CENPW: variants seen among roughly 807,000 people sequenced by gnomAD.
The protein encoded by CENPW is cancer-up-regulated gene 2 protein.
In CENPW, 3 loss-of-function variants were observed where a neutral mutation model predicts 11.1. That is an observed-to-expected ratio of 0.27 (90% CI 0.12 to 0.70). The LOEUF (loss-of-function observed/expected upper bound fraction) is 0.70. Among genes scored for constraint, CENPW ranks in the 30% least tolerant of loss-of-function variants. The pLI is 0.77. For synonymous variants in CENPW, 38 were observed against 42.0 expected, an observed-to-expected ratio of 0.91 and a Z score of 0.37; for missense variants, 100 against 105.6, an observed-to-expected ratio of 0.95 and a Z score of 0.23.
chr6:126,438,671 A>C, the CENPW span, among the ~76,000 whole-genome samples: 2 of 151,848 alleles, frequency 1.3e-5, no homozygotes, highest in African/African-American at 4.8e-5. Context: ...GGGAGTACAA[A>C]CACACTTTCT....
chr6:126,394,148 G>C, the CENPW span, among the ~76,000 whole-genome samples: 2 of 151,852 alleles, frequency 1.3e-5, no homozygotes, highest in African/African-American at 4.8e-5. Flanking sequence ...TGATAAGTAA[G>C]GACTTACTGT....
the CENPW span, among the ~76,000 whole-genome samples, chr6:126,453,706 A>G: frequency 2.6e-5 from 4 of 151,210 alleles, no homozygotes; most frequent in African/African-American, 9.7e-5. Flanking sequence ...GCACATATTA[A>G]TATTAAGCTT....
At chr6:126,340,504 AG>A (rs1273640838) in intron 1 of CENPW, 105 bp downstream of exon 1, 2 of 1,549,326 alleles carry the variant, frequency 1.3e-6, no homozygotes, top group Non-Finnish European at 1.8e-6. Context: ...TAGCTCTTTC[AG>A]GCCCCTGTTT....
the CENPW span, among the ~76,000 whole-genome samples, chr6:126,481,171 G>A: frequency 1.6e-3 from 250 of 151,954 alleles, no homozygotes; most frequent in African/African-American, 5.9e-3. Context: ...ATATTTGGTA[G>A]AATATATTTT....
chr6:126,340,458 C>T, intron 1 of CENPW, 59 bp downstream of exon 1: 1 of 1,612,012 alleles, frequency 6.2e-7, no homozygotes, highest in Non-Finnish European at 8.5e-7. Flanking sequence ...AGGGCAATAA[C>T]CTTAAGCCTT....
At chr6:126,418,400 G>A in the CENPW span, among the ~76,000 whole-genome samples, 1 of 152,084 alleles carries the variant, frequency 6.6e-6, no homozygotes, top group African/African-American at 2.4e-5. Context: ...CATACCACTG[G>A]GAATATTTTC....
the CENPW span, among the ~76,000 whole-genome samples, chr6:126,427,415 C>T: frequency 3.9e-5 from 6 of 152,192 alleles, no homozygotes; most frequent in Non-Finnish European, 8.8e-5. Flanking sequence ...GATTTGAGCA[C>T]CGTGTGAATT....
the CENPW span, among the ~76,000 whole-genome samples, chr6:126,476,655 G>A: frequency 2.0e-5 from 3 of 151,904 alleles, no homozygotes; most frequent in African/African-American, 7.2e-5. Context: ...CTTCCCATCT[G>A]TTTGCTAACT....
downstream of CENPW, among the ~76,000 whole-genome samples, chr6:126,350,842 T>C (rs1780482878): frequency 6.6e-6 from 1 of 152,054 alleles, no homozygotes; most frequent in Non-Finnish European, 1.5e-5. Context: ...CATAAAATTA[T>C]ATTCTGAACA....
the CENPW span, among the ~76,000 whole-genome samples, chr6:126,440,335 T>A: frequency 6.6e-6 from 1 of 151,592 alleles, no homozygotes; most frequent in Non-Finnish European, 1.5e-5. Context: ...AAAGACAGTA[T>A]ACCTTCCATC....
the CENPW span, among the ~76,000 whole-genome samples, chr6:126,357,632 G>A: frequency 6.7e-6 from 1 of 150,112 alleles, no homozygotes; most frequent in Non-Finnish European, 1.5e-5. Flanking sequence ...CTTTTGAGAT[G>A]GAGTCTTGCT....
the CENPW span, among the ~76,000 whole-genome samples, chr6:126,464,358 G>A: frequency 6.6e-6 from 1 of 152,098 alleles, no homozygotes; most frequent in Non-Finnish European, 1.5e-5. Context: ...TTAATATTGA[G>A]TGTAAACTTG....
chr6:126,431,959 G>A, the CENPW span, among the ~76,000 whole-genome samples: 1 of 151,334 alleles, frequency 6.6e-6, no homozygotes, highest in Non-Finnish European at 1.5e-5. Context: ...CAGCTACTTG[G>A]GAGGCTGAGG....
the CENPW span, among the ~76,000 whole-genome samples, chr6:126,440,241 C>T: frequency 5.9e-5 from 9 of 151,528 alleles, no homozygotes; most frequent in East Asian, 3.9e-4. Context: ...AAGCTCTAAA[C>T]GTAGCCATAA....
chr6:126,390,354 G>T, the CENPW span, among the ~76,000 whole-genome samples: 1 of 151,748 alleles, frequency 6.6e-6, no homozygotes, highest in Non-Finnish European at 1.5e-5. Context: ...CATAGCAGGT[G>T]TATATATTTA....
the CENPW span, among the ~76,000 whole-genome samples, chr6:126,395,991 C>T: frequency 6.6e-6 from 1 of 152,126 alleles, no homozygotes; most frequent in African/African-American, 2.4e-5. Context: ...GACCTGAAAC[C>T]AGCACAGCAC....
chr6:126,466,468 C>T, the CENPW span, among the ~76,000 whole-genome samples: 99 of 152,170 alleles, frequency 6.5e-4, 1 homozygote, highest in African/African-American at 2.3e-3. Flanking sequence ...CCAGATTTCT[C>T]ATTTTTGGAG....
chr6:126,447,805 TA>T, the CENPW span, among the ~76,000 whole-genome samples: 1 of 151,198 alleles, frequency 6.6e-6, no homozygotes, highest in Admixed American at 6.6e-5. Context: ...CTGAACCAAG[TA>T]ATACCTTGAA....
At chr6:126,346,503 A>G (rs549840526) in intron 2 of CENPW, among the ~76,000 whole-genome samples, 185 bp downstream of exon 2, 5 of 152,286 alleles carry the variant, frequency 3.3e-5, no homozygotes, top group Admixed American at 1.3e-4. Context: ...TTAATTTCCA[A>G]TGGTAATATT....
Sources: gnomAD v4.1 joint callset for allele counts (sites outside exome capture counted in the v4.1 genomes callset) on GRCh38, gnomAD v4.1.1 for gene constraint, MANE v1.5 for transcripts, NCBI Gene and HGNC (gene_info 2026-07-23, HGNC 2026-07-21) for gene names.